ZDHHC3: variants seen among roughly 807,000 people sequenced by gnomAD.
ZDHHC3 encodes palmitoyltransferase ZDHHC3.
ZDHHC3 carries 9 observed loss-of-function variants against 30.6 expected under a neutral mutation model. The observed-to-expected ratio is 0.29, with a 90% CI of 0.18 to 0.51. The LOEUF is 0.51. ZDHHC3 is among the 20% of genes least tolerant of loss of function. ZDHHC3 has a pLI of 0.97. For synonymous variants in ZDHHC3, 136 were observed against 140.2 expected (o/e 0.97, Z 0.21); for missense variants, 246 against 384.2 (o/e 0.64, Z 3.01).
chr3:44,975,685 G>A lies in ZDHHC3; in HGVS notation c.-25+248C>T, dbSNP rs866790461. Reference sequence around the variant, plus strand: ...ATCCTAGGGACTAGAGAAATGGAGGGGAGAAGAGCAGGGAAACAGCACCCC... The same window carrying A: ...ATCCTAGGGACTAGAGAAATGGAGGAGAGAAGAGCAGGGAAACAGCACCCC... On this transcript the variant is annotated intron_variant, in intron 1 of 6. Transcript: ENST00000424952. 5.3e-5 allele frequency among the ~76,000 whole-genome samples: 8 copies of A among 151,824 alleles called. No individual in the cohort carries two copies. In the South Asian group the frequency reaches 1.7e-3, roughly 32 times the overall value.
rs3082727 is a variant in ZDHHC3 at position 44,975,770 on chromosome 3, T to TCACACA, written c.-25+162_-25+163insTGTGTG. ...GGGTCTCTCTCTCTCTCTCTCTCTCTCTCACACACACACACACACACACAC... is the reference window on the plus strand; with the variant it reads ...GGGTCTCTCTCTCTCTCTCTCTCTCTCACACACTCACACACACACACACACACACAC... On this transcript the variant is annotated intron_variant, in intron 1 of 6. Transcript: ENST00000424952. Among the ~76,000 whole-genome samples, 453 of 111,496 alleles carry TCACACA rather than the reference T, an allele frequency of 4.1e-3. 2 individuals carry two copies. The highest frequency in any genetic ancestry group is 0.01 in the African/African-American group (308 of 30,230). The allele number at this position is 111,496 out of a possible 152,430, so 73.1% of individuals were successfully genotyped here.
intron 3 of ZDHHC3, among the ~76,000 whole-genome samples, chr3:44,937,015 C>T (rs1024292636): frequency 6.6e-6 from 1 of 151,966 alleles, no homozygotes; most frequent in Non-Finnish European, 1.5e-5. Flanking sequence ...TGCTCATTGA[C>T]AATTTTTTTT....
In ZDHHC3 at chr3:44,917,767, A is replaced by G. The variant is rs1700284751; in HGVS notation, c.*8922T>C. 1 of 1,144,008 alleles carries G rather than the reference A, an allele frequency of 8.7e-7. No homozygotes were observed. The highest frequency in any genetic ancestry group is 1.1e-6 in the Non-Finnish European group (1 of 884,136). The allele number at this position is 1,144,008 out of a possible 1,614,324, so 70.9% of individuals were successfully genotyped here. A position where few individuals can be genotyped will look rare whatever the true frequency, so the allele number is the denominator to read the frequency against. Reference sequence around the variant, plus strand: ...AAGAAGGAGGGGAAATGGCAAGGCCAAGCGAGTGGCTAAGGGAAGCACTGG... The same window carrying G: ...AAGAAGGAGGGGAAATGGCAAGGCCGAGCGAGTGGCTAAGGGAAGCACTGG... On this transcript the variant is annotated 3_prime_UTR_variant, in exon 7 of 7. Coordinates refer to ENST00000424952, the MANE Select transcript of ZDHHC3 (RefSeq NM_001135179.2).
At position 44,915,945 on chromosome 3, in the gene ZDHHC3, T is replaced by TTAGGACAACAAA. The variant is rs1201978551; in HGVS notation, c.*10732_*10743dup. On this transcript the variant is annotated 3_prime_UTR_variant, in exon 7 of 7. Transcript: ENST00000424952. ...CTGGCAGCCCAGAGCTGCTTCTGGGTTAGGACAACAAATAGGGGGCCCTAC... is the reference window on the plus strand; with the variant it reads ...CTGGCAGCCCAGAGCTGCTTCTGGGTTAGGACAACAAATAGGACAACAAATAGGGGGCCCTAC... 3.9e-5 allele frequency: 6 copies of TTAGGACAACAAA among 152,220 alleles called. No individual in the cohort carries two copies. Among genetic ancestry groups the TTAGGACAACAAA allele is most frequent in the Non-Finnish European group, 1.5e-5 (1 of 68,068 alleles). The allele number at this position is 152,220 out of a possible 1,614,324, so 9.4% of individuals were successfully genotyped here. A position where few individuals can be genotyped will look rare whatever the true frequency, so the allele number is the denominator to read the frequency against.
Position 44,923,207 on chromosome 3 carries a change from C to T in ZDHHC3, c.*3482G>A. The T allele has an allele frequency of 1.2e-6, 1 of 821,202 alleles. No homozygotes were observed. The highest frequency in any genetic ancestry group is 1.5e-6 in the Non-Finnish European group (1 of 680,568). 50.9% of individuals were successfully genotyped at this position (821,202 alleles called of 1,614,324 possible). A position where few individuals can be genotyped will look rare whatever the true frequency, so the allele number is the denominator to read the frequency against. ...TCTCCTGCCTCAGCCTCCCAAGTAGCTGGGACTACAGACGCCTGCCACCAC... is the reference window on the plus strand; with the variant it reads ...TCTCCTGCCTCAGCCTCCCAAGTAGTTGGGACTACAGACGCCTGCCACCAC... On this transcript the variant is annotated 3_prime_UTR_variant, in exon 7 of 7. Transcript: ENST00000424952.
At chr3:44,968,862 GCTT>G (rs1224833892) in intron 1 of ZDHHC3, among the ~76,000 whole-genome samples, 1 of 152,162 alleles carries the variant, frequency 6.6e-6, no homozygotes, top group Non-Finnish European at 1.5e-5. Context: ...TACCCGCCCT[GCTT>G]CCAAATTGTG....
At chr3:44,937,102 G>C (rs1177039691) in intron 3 of ZDHHC3, among the ~76,000 whole-genome samples, 2 of 151,876 alleles carry the variant, frequency 1.3e-5, no homozygotes, top group Non-Finnish European at 2.9e-5. Flanking sequence ...AGGTTGAAAT[G>C]CTATAAACAA....
intron 1 of ZDHHC3, chr3:44,970,075 G>C (rs2125933239): frequency 6.6e-6 from 1 of 152,370 alleles, no homozygotes; most frequent in South Asian, 2.1e-4. Context: ...AAAGTGCTTA[G>C]AGAAATCCGA....
chr3:44,955,669 G>C (rs922489925), intron 2 of ZDHHC3, among the ~76,000 whole-genome samples: 13 of 152,182 alleles, frequency 8.5e-5, no homozygotes, highest in Non-Finnish European at 1.8e-4. Flanking sequence ...AAAGACGACT[G>C]CAATATTAAT....
At position 44,925,720 on chromosome 3, in the gene ZDHHC3, C is replaced by T. The variant is rs368390473; in HGVS notation, c.*969G>A. ...GTACGTGCACATTTATGGGGGTTAA[C>T]TATCAGAAAGTGAATCCACTTTGAG... On this transcript the variant is annotated 3_prime_UTR_variant, in exon 7 of 7. Coordinates refer to ENST00000424952, the MANE Select transcript of ZDHHC3 (RefSeq NM_001135179.2). 20 of 985,566 alleles carry T rather than the reference C, an allele frequency of 2.0e-5. No homozygotes were observed. In the East Asian group the frequency reaches 5.7e-4, roughly 28 times the overall value. 61.1% of individuals were successfully genotyped at this position (985,566 alleles called of 1,614,324 possible). A position where few individuals can be genotyped will look rare whatever the true frequency, so the allele number is the denominator to read the frequency against.
chr3:44,919,800 T>C lies in ZDHHC3; in HGVS notation c.*6889A>G. On this transcript the variant is annotated 3_prime_UTR_variant, in exon 7 of 7. Coordinates refer to ENST00000424952, the MANE Select transcript of ZDHHC3 (RefSeq NM_001135179.2). ...TGACTGAAAGGTACATGGGAACTCTTTGTACTGTTTTTGTCACATTTTTGT... is the reference window on the plus strand; with the variant it reads ...TGACTGAAAGGTACATGGGAACTCTCTGTACTGTTTTTGTCACATTTTTGT... The C allele has an allele frequency of 1.2e-6, 1 of 848,234 alleles. No homozygotes were observed. Among genetic ancestry groups the C allele is most frequent in the Non-Finnish European group, 1.4e-6 (1 of 704,834 alleles). 52.5% of individuals were successfully genotyped at this position (848,234 alleles called of 1,614,324 possible). A position where few individuals can be genotyped will look rare whatever the true frequency, so the allele number is the denominator to read the frequency against.
At position 44,921,967 on chromosome 3, in the gene ZDHHC3, C is replaced by G. The variant is rs1486663666; in HGVS notation, c.*4722G>C. ...TCCTCACTCCTTGGATCAGCTTCAT[C>G]GGCTCCTCCTGTGGGCCCAACAGAG... On this transcript the variant is annotated 3_prime_UTR_variant, in exon 7 of 7. Transcript: ENST00000424952. 1 of 985,328 alleles carries G rather than the reference C, an allele frequency of 1.0e-6. No homozygotes were observed. The highest frequency in any genetic ancestry group is 6.1e-5 in the Admixed American group (1 of 16,272). 61.0% of individuals were successfully genotyped at this position (985,328 alleles called of 1,614,324 possible).
In ZDHHC3 at chr3:44,939,788, G is replaced by A. The variant is rs529012380; in HGVS notation, c.431+5380C>T. The stretch of plus-strand genomic sequence containing the variant: ...TGGGTTTCCCAATGGGCTGAGTCTC[G>A]CTGGGCTTCCAAATTAGAAAAATAA... On this transcript the variant is annotated intron_variant, in intron 3 of 6. Transcript: ENST00000424952. Among the ~76,000 whole-genome samples the A allele has an allele frequency of 4.6e-5, 7 of 152,320 alleles. No individual in the cohort carries two copies. In the South Asian group the frequency reaches 8.3e-4, roughly 18 times the overall value.
Position 44,924,104 on chromosome 3 carries a change from G to T in ZDHHC3, c.*2585C>A. The T allele has an allele frequency of 2.0e-6, 2 of 985,392 alleles. No homozygotes were observed. Among genetic ancestry groups the T allele is most frequent in the Non-Finnish European group, 2.4e-6 (2 of 829,928 alleles). 61.0% of individuals were successfully genotyped at this position (985,392 alleles called of 1,614,324 possible). A position where few individuals can be genotyped will look rare whatever the true frequency, so the allele number is the denominator to read the frequency against. Reference sequence around the variant, plus strand: ...CCAGGCTCTGAAAGACTGTGGCTACGACTGGTTCAATTTCCCATGAGTGCA... The same window carrying T: ...CCAGGCTCTGAAAGACTGTGGCTACTACTGGTTCAATTTCCCATGAGTGCA... On this transcript the variant is annotated 3_prime_UTR_variant, in exon 7 of 7. Transcript: ENST00000424952.
In ZDHHC3 at chr3:44,927,385, T is replaced by G. The variant is rs565871359; in HGVS notation, c.742-538A>C. 2.0e-5 allele frequency among the ~76,000 whole-genome samples: 3 copies of G among 152,250 alleles called. No individual in the cohort carries two copies. The East Asian group carries it at 5.8e-4, about 29-fold the overall frequency. On this transcript the variant is annotated intron_variant, in intron 6 of 6. Coordinates refer to ENST00000424952, the MANE Select transcript of ZDHHC3 (RefSeq NM_001135179.2). ...AACAAATCAAATGACTGCTCTGGCG[T>G]TGTGTGTCTCACCAGCCTGGGGGAT... is the stretch of plus-strand genomic sequence containing the variant.
intron 1 of ZDHHC3, among the ~76,000 whole-genome samples, chr3:44,966,491 C>G (rs1483363489): frequency 6.6e-6 from 1 of 152,134 alleles, no homozygotes; most frequent in Middle Eastern, 3.2e-3. Context: ...GTCTATAACT[C>G]TCAGCTGAAA....
chr3:44,973,600 A>T (rs1006300785), intron 1 of ZDHHC3, among the ~76,000 whole-genome samples: 1 of 152,108 alleles, frequency 6.6e-6, no homozygotes, highest in Non-Finnish European at 1.5e-5. Context: ...CTGGGATTGC[A>T]GGCATGCGCC....
At chr3:44,949,672 G>A (rs184120528) in intron 2 of ZDHHC3, among the ~76,000 whole-genome samples, 2 of 152,164 alleles carry the variant, frequency 1.3e-5, no homozygotes, top group East Asian at 3.9e-4. Flanking sequence ...GACATCCAAC[G>A]GGCCACCAGT....
At chr3:44,958,092 T>C (rs1376101518) in intron 2 of ZDHHC3, among the ~76,000 whole-genome samples, 1 of 152,180 alleles carries the variant, frequency 6.6e-6, no homozygotes, top group Non-Finnish European at 1.5e-5. Flanking sequence ...CAGTGCTAAA[T>C]ACTAGGCAAA....
Sources: gnomAD v4.1 joint callset for allele counts (sites outside exome capture counted in the v4.1 genomes callset) on GRCh38, gnomAD v4.1.1 for gene constraint, MANE v1.5 for transcripts, NCBI Gene and HGNC (gene_info 2026-07-23, HGNC 2026-07-21) for gene names.